NEMF: variants seen among roughly 807,000 people sequenced by gnomAD.
NEMF encodes the protein ribosome quality control complex subunit NEMF.
In NEMF, 89 loss-of-function variants were observed where a neutral mutation model predicts 162.2. The ratio of observed to expected loss-of-function variants is 0.55; its 90% confidence interval spans 0.46 to 0.65. NEMF has a LOEUF of 0.65. Ranked by LOEUF, NEMF falls within the 30% of genes least tolerant of loss-of-function variation. The pLI, the probability that NEMF is intolerant of heterozygous loss-of-function variation, is 0.00. For missense variants in NEMF, 1,133 were observed against 1,261.9 expected, an observed-to-expected ratio of 0.90 and a Z score of 1.55; for synonymous variants, 421 against 404.5, an observed-to-expected ratio of 1.04 and a Z score of -0.49.
intron 11 of NEMF, among the ~76,000 whole-genome samples, chr14:49,830,407 T>C (rs1347764574): frequency 6.6e-6 from 1 of 152,330 alleles, no homozygotes; most frequent in East Asian, 1.9e-4. Flanking sequence ...GATTTTTTTT[T>C]CTTTAAGGCA....
Position 49,846,167 on chromosome 14 carries a change from G to C in NEMF, c.330C>G (p.Tyr110Ter). The C allele has an allele frequency of 6.2e-7, 1 of 1,613,614 alleles. No homozygotes were observed. Among genetic ancestry groups the C allele is most frequent in the Non-Finnish European group, 8.5e-7 (1 of 1,179,696 alleles). Residue 110 changes from tyrosine (Y) to a stop codon, truncating the protein, a stop_gained, in exon 4 of 33, where the codon TAC becomes TAG. Coordinates refer to ENST00000298310, the MANE Select transcript of NEMF (RefSeq NM_004713.6). LOFTEE classifies it high-confidence loss of function. Reference protein sequence around the residue: ...DFQFGSDEAAYHLIIELYDRG... With the variant: ...DFQFGSDEAA ...TATCATAGAGCTCAATGATTAAATG[G>C]TAAGCAGCTTCATCACTTCCAAATT...
chr14:49,805,177 C>A (rs886088440), intron 19 of NEMF, among the ~76,000 whole-genome samples: 6 of 152,104 alleles, frequency 3.9e-5, no homozygotes, highest in Non-Finnish European at 8.8e-5. Context: ...AATATCACAG[C>A]ACAGCATATA....
chr14:49,807,828 T>C (rs932646864), intron 18 of NEMF, among the ~76,000 whole-genome samples: 8 of 152,098 alleles, frequency 5.3e-5, no homozygotes, highest in Admixed American at 2.0e-4. Context: ...GGTCTCAAAC[T>C]CCTGACCTCA....
chr14:49,817,841 G>T lies in NEMF; in HGVS notation c.1578-2984C>A, dbSNP rs1460504997. ...CAAGCTTTCCCAAAGAAAACTCCAGGACTACTCAGCTTCACAGGTGAATTT... is the reference window on the plus strand; with the variant it reads ...CAAGCTTTCCCAAAGAAAACTCCAGTACTACTCAGCTTCACAGGTGAATTT... On this transcript the variant is annotated intron_variant, in intron 16 of 32. Transcript: ENST00000298310. Among the ~76,000 whole-genome samples, 4 of 152,082 alleles carry T rather than the reference G, an allele frequency of 2.6e-5. No individual in the cohort carries two copies. The East Asian group carries it at 7.7e-4, about 29-fold the overall frequency.
At chr14:49,833,059 A>C (rs1373938077) in intron 8 of NEMF, among the ~76,000 whole-genome samples, 6 of 152,172 alleles carry the variant, frequency 3.9e-5, no homozygotes, top group Non-Finnish European at 8.8e-5. Flanking sequence ...TGAGGTCAGG[A>C]GTTCGAGACC....
intron 26 of NEMF, among the ~76,000 whole-genome samples, chr14:49,791,685 C>T (rs1007402267): frequency 5.4e-5 from 8 of 149,488 alleles, no homozygotes; most frequent in Non-Finnish European, 1.2e-4. Flanking sequence ...TGCAGTGAGC[C>T]GAGATCGCGC....
At chr14:49,838,100 C>T in intron 6 of NEMF, 39 bp downstream of exon 6, 4 of 1,498,684 alleles carry the variant, frequency 2.7e-6, no homozygotes, top group Non-Finnish European at 3.7e-6. Context: ...AACCACACTG[C>T]CTTGCAAACA....
intron 28 of NEMF, chr14:49,787,045 G>C (rs916271190): frequency 8.0e-6 from 2 of 249,944 alleles, no homozygotes; most frequent in East Asian, 1.5e-4. Flanking sequence ...TGTTAAAGCA[G>C]CAAAAGTTAC....
At chr14:49,826,864 C>T (rs935154728) in intron 15 of NEMF, among the ~76,000 whole-genome samples, 7 of 152,028 alleles carry the variant, frequency 4.6e-5, no homozygotes, top group African/African-American at 1.2e-4. Context: ...GTGGTACTAT[C>T]GTTAGTAATG....
At chr14:49,838,080 T>C in intron 6 of NEMF, 59 bp downstream of exon 6, 2 of 1,296,678 alleles carry the variant, frequency 1.5e-6, no homozygotes, top group Middle Eastern at 1.9e-4. Flanking sequence ...GATTTCAATA[T>C]ATTCCTGAAA....
chr14:49,827,992 A>G (rs1892446706), intron 15 of NEMF, among the ~76,000 whole-genome samples: 1 of 152,174 alleles, frequency 6.6e-6, no homozygotes, highest in South Asian at 2.1e-4. Flanking sequence ...TACTTTAAAG[A>G]AAGAACCAAA....
intron 3 of NEMF, among the ~76,000 whole-genome samples, chr14:49,847,706 CTTTTTTTTTTTTT>C (rs79188374): frequency 7.2e-6 from 1 of 138,020 alleles, no homozygotes. Flanking sequence ...CCTACCAATT[CTTTTTTTTTTTTT>C]TTTTTTTTTT....
At chr14:49,811,809 T>G (rs1891494235) in intron 18 of NEMF, among the ~76,000 whole-genome samples, 1 of 152,228 alleles carries the variant, frequency 6.6e-6, no homozygotes, top group Non-Finnish European at 1.5e-5. Flanking sequence ...TCGTATATAG[T>G]CATTTTAATA....
At chr14:49,836,819 C>A (rs1053294350) in intron 6 of NEMF, among the ~76,000 whole-genome samples, 2 of 152,100 alleles carry the variant, frequency 1.3e-5, no homozygotes, top group Non-Finnish European at 2.9e-5. Flanking sequence ...TAATGAGATA[C>A]CTTGGGGATG....
At position 49,851,788 on chromosome 14, in the gene NEMF, G is replaced by A. The variant is rs1269435011; in HGVS notation, c.128+19C>T. ...TACTTAATTGTCAAAGAGAAAATAAGCCTATAAAATGTTCTTACTTTTGAA... is the reference window on the plus strand; with the variant it reads ...TACTTAATTGTCAAAGAGAAAATAAACCTATAAAATGTTCTTACTTTTGAA... On this transcript the variant is annotated intron_variant, in intron 2 of 32. Transcript: ENST00000298310. 3.4e-6 allele frequency: 5 copies of A among 1,485,458 alleles called. No individual in the cohort carries two copies. Among genetic ancestry groups the A allele is most frequent in the African/African-American group, 1.4e-5 (1 of 71,258 alleles). The allele number at this position is 1,485,458 out of a possible 1,614,324, so 92.0% of individuals were successfully genotyped here. A position where few individuals can be genotyped will look rare whatever the true frequency, so the allele number is the denominator to read the frequency against.
chr14:49,809,785 T>C (rs898400603), intron 18 of NEMF, among the ~76,000 whole-genome samples: 5 of 151,300 alleles, frequency 3.3e-5, no homozygotes, highest in Non-Finnish European at 7.4e-5. Flanking sequence ...CGCTTGAACC[T>C]GGGAGGCAGA....
At chr14:49,796,259 A>C (rs919271055) in intron 25 of NEMF, 1 of 485,662 alleles carries the variant, frequency 2.1e-6, no homozygotes, top group Non-Finnish European at 4.1e-6. Flanking sequence ...TGGGATTTGT[A>C]GTCTTTGTAC....
chr14:49,783,901 A>G lies in NEMF; in HGVS notation c.*735T>C, dbSNP rs561687211. 6.6e-6 allele frequency: 1 copy of G among 152,258 alleles called. No homozygotes were observed. Among genetic ancestry groups the G allele is most frequent in the African/African-American group, 2.4e-5 (1 of 41,554 alleles). The allele number at this position is 152,258 out of a possible 1,614,324, so 9.4% of individuals were successfully genotyped here. On this transcript the variant is annotated 3_prime_UTR_variant, in exon 33 of 33. Transcript: ENST00000298310. ...TGAAAGCAGAAGAAAATCCACTCCA[A>G]TACTTAGTTTTCAAGACACAATCCT...
intron 16 of NEMF, among the ~76,000 whole-genome samples, chr14:49,820,912 A>G (rs2139930325): frequency 6.6e-6 from 1 of 152,020 alleles, no homozygotes. Context: ...AGTCTCGTTA[A>G]CTCAGTGCTC....
Sources: allele counts gnomAD v4.1 joint callset (sites outside exome capture counted in the v4.1 genomes callset), GRCh38; gene constraint gnomAD v4.1.1; transcripts MANE v1.5; gene names NCBI Gene and HGNC (gene_info 2026-07-23, HGNC 2026-07-21).